Variants in APOBEC2 observed in about 807,000 individuals in gnomAD.
APOBEC2 encodes the protein apolipoprotein B mRNA editing enzyme catalytic subunit 2.
Under a neutral mutation model 19.4 loss-of-function variants are expected in APOBEC2, and 14 were observed. That is an observed-to-expected ratio of 0.72 (90% CI 0.48 to 1.13). The LOEUF is 1.13. APOBEC2 is among the 50% of genes most tolerant of loss of function. The pLI, the probability that APOBEC2 is intolerant of heterozygous loss-of-function variation, is 0.00. For synonymous variants in APOBEC2, 127 were observed against 112.1 expected, an observed-to-expected ratio of 1.13 and a Z score of -0.84; for missense variants, 304 against 277.0, an observed-to-expected ratio of 1.10 and a Z score of -0.69.
intron 1 of APOBEC2, among the ~76,000 whole-genome samples, chr6:41,060,869 C>T (rs1762861041): frequency 6.6e-6 from 1 of 152,244 alleles, no homozygotes; most frequent in African/African-American, 2.4e-5. Context: ...CTTACCTGGC[C>T]ACTTATTGGA....
Position 41,061,768 on chromosome 6 carries a change from T to C in APOBEC2, c.572T>C (p.Phe191Ser). 6.2e-7 allele frequency: 1 copy of C among 1,614,174 alleles called. No individual in the cohort carries two copies. The change falls in exon 2 of 3, where the codon TTT becomes TCT. Residue 191 changes from phenylalanine to serine, a missense_variant. Physicochemically the swap from Phe to Ser is radical, Grantham distance 155 (BLOSUM62 -2). Transcript: ENST00000244669. Reference protein sequence around the residue: ...PQDFEYVWQNFVEQEEGESKA... With the variant: ...PQDFEYVWQNSVEQEEGESKA... ...GACTTCGAATATGTCTGGCAGAATT[T>C]TGTGGAGCAAGAAGAGGGTGAATCC... is the stretch of plus-strand genomic sequence containing the variant.
chr6:41,061,480 C>A lies in APOBEC2; in HGVS notation c.284C>A (p.Ala95Glu), dbSNP rs149055789. ...CGGGGATACCTAGAGGATGAGCATGCGGCTGCCCATGCAGAGGAAGCTTTC... is the reference window on the plus strand; with the variant it reads ...CGGGGATACCTAGAGGATGAGCATGAGGCTGCCCATGCAGAGGAAGCTTTC... ...ASRGYLEDEH[A>E]AAHAEEAFFN... Residue 95 changes from alanine to glutamate, a missense_variant, in exon 2 of 3, where the codon GCG becomes GAG. Transcript: ENST00000244669. 1.1e-5 allele frequency: 18 copies of A among 1,613,536 alleles called. No homozygotes were observed. Among genetic ancestry groups the A allele is most frequent in the Non-Finnish European group, 1.4e-5 (17 of 1,179,784 alleles).
chr6:41,059,941 A>G (rs1195892282), intron 1 of APOBEC2, among the ~76,000 whole-genome samples: 1 of 152,222 alleles, frequency 6.6e-6, no homozygotes, highest in East Asian at 1.9e-4. Flanking sequence ...ACATTTTTAA[A>G]AAGGAAAACA....
At chr6:41,063,960 T>A (rs996404673) in intron 2 of APOBEC2, 141 bp from the exon 3 acceptor site, 3 of 152,376 alleles carry the variant, frequency 2.0e-5, no homozygotes, top group African/African-American at 4.8e-5. Context: ...ATTTACCCAA[T>A]CCTGCAAAGG....
In APOBEC2 at chr6:41,061,857, G is replaced by C; in HGVS notation, c.661G>C (p.Asp221His). 1.2e-6 allele frequency: 2 copies of C among 1,613,346 alleles called. No homozygotes were observed. The highest frequency in any genetic ancestry group is 2.2e-5 in the South Asian group (2 of 91,050). ...NFLYYEEKLADILK is the reference protein window; with the variant it reads ...NFLYYEEKLAHILK ...CCTATACTACGAGGAGAAGTTGGCA[G>C]ACATCCTGAAGTAGGGCAACTGGGC... The change falls in exon 2 of 3, where the codon GAC becomes CAC. Residue 221 changes from aspartate (D) to histidine (H), a missense_variant. By Grantham distance (81) the Asp-to-His change is moderately conservative. Coordinates refer to ENST00000244669, the MANE Select transcript of APOBEC2 (RefSeq NM_006789.4).
At chr6:41,059,927 G>T (rs1463134453) in intron 1 of APOBEC2, among the ~76,000 whole-genome samples, 1 of 152,190 alleles carries the variant, frequency 6.6e-6, no homozygotes, top group Non-Finnish European at 1.5e-5. Flanking sequence ...CAGGCAGAGA[G>T]ATTACATTTT....
At chr6:41,059,080 G>A (rs527467119) in intron 1 of APOBEC2, among the ~76,000 whole-genome samples, 1 of 152,280 alleles carries the variant, frequency 6.6e-6, no homozygotes, top group East Asian at 1.9e-4. Flanking sequence ...AGCTTAAGAA[G>A]GGCAGAAAGA....
intron 1 of APOBEC2, 122 bp downstream of exon 1, chr6:41,053,600 AG>A: frequency 7.0e-7 from 1 of 1,429,922 alleles, no homozygotes; most frequent in South Asian, 1.4e-5. Context: ...CAGCAGTGAG[AG>A]TGCACCAGTG....
chr6:41,054,322 T>C (rs1762769040), intron 1 of APOBEC2, among the ~76,000 whole-genome samples: 1 of 152,178 alleles, frequency 6.6e-6, no homozygotes, highest in Non-Finnish European at 1.5e-5. Flanking sequence ...AAAGAGAATC[T>C]ATGAGGCCAT....
At chr6:41,053,598 A>C (rs925476489) in intron 1 of APOBEC2, 120 bp downstream of exon 1, 2 of 1,443,272 alleles carry the variant, frequency 1.4e-6, no homozygotes, top group Non-Finnish European at 1.9e-6. Context: ...TGCAGCAGTG[A>C]GAGTGCACCA....
At chr6:41,055,029 T>A (rs1300942293) in intron 1 of APOBEC2, among the ~76,000 whole-genome samples, 2 of 152,146 alleles carry the variant, frequency 1.3e-5, no homozygotes, top group African/African-American at 4.8e-5. Context: ...AATCACAACA[T>A]AGTTTCATGA....
intron 1 of APOBEC2, among the ~76,000 whole-genome samples, chr6:41,054,072 G>A (rs1006897563): frequency 2.6e-5 from 4 of 152,178 alleles, no homozygotes; most frequent in African/African-American, 9.6e-5. Flanking sequence ...GAAATTACAT[G>A]CAGATAACGC....
chr6:41,060,418 C>T (rs889921219), intron 1 of APOBEC2, among the ~76,000 whole-genome samples: 4 of 152,212 alleles, frequency 2.6e-5, no homozygotes, highest in African/African-American at 9.6e-5. Flanking sequence ...GCCAAACTTT[C>T]GAGAACCTTC....
At chr6:41,061,137 C>A (rs1486701588) in intron 1 of APOBEC2, among the ~76,000 whole-genome samples, 191 bp from the exon 2 acceptor site, 1 of 150,846 alleles carries the variant, frequency 6.6e-6, no homozygotes, top group Admixed American at 6.6e-5. Flanking sequence ...TCAGATAAAC[C>A]CTTCTGGATT....
Position 41,053,290 on chromosome 6 carries a change from G to A in APOBEC2, c.-58G>A, listed in dbSNP as rs1762753351. ...CTTGGGACTCTGCCGCCAGGGCCTG[G>A]CCCAGACCTGCCTGCCTCTCTCCTC... On this transcript the variant is annotated 5_prime_UTR_variant, in exon 1 of 3. Coordinates refer to ENST00000244669, the MANE Select transcript of APOBEC2 (RefSeq NM_006789.4). 1.3e-6 allele frequency: 2 copies of A among 1,587,468 alleles called. No homozygotes were observed. Among genetic ancestry groups the A allele is most frequent in the South Asian group, 1.1e-5 (1 of 88,720 alleles).
At chr6:41,059,684 T>C (rs971513100) in intron 1 of APOBEC2, among the ~76,000 whole-genome samples, 1 of 152,128 alleles carries the variant, frequency 6.6e-6, no homozygotes, top group Non-Finnish European at 1.5e-5. Context: ...GCACGGGACA[T>C]GGAAACTTGG....
chr6:41,054,385 AGGCAGAGTG>A (rs979753398), intron 1 of APOBEC2, among the ~76,000 whole-genome samples: 4 of 152,218 alleles, frequency 2.6e-5, no homozygotes, highest in Non-Finnish European at 4.4e-5. Flanking sequence ...GAATGACCAC[AGGCAGAGTG>A]GGTGCGAGAC....
At chr6:41,053,595 G>C in intron 1 of APOBEC2, 117 bp downstream of exon 1, 2 of 1,478,338 alleles carry the variant, frequency 1.4e-6, no homozygotes, top group South Asian at 2.7e-5. Flanking sequence ...CCCTGCAGCA[G>C]TGAGAGTGCA....
intron 2 of APOBEC2, 89 bp from the exon 3 acceptor site, chr6:41,064,012 C>A (rs181161786): frequency 6.2e-4 from 95 of 152,542 alleles, no homozygotes; most frequent in African/African-American, 2.1e-3. Flanking sequence ...GGGAAGGGCA[C>A]ACAGAAACCT....
Sources: gnomAD v4.1 joint callset for allele counts (sites outside exome capture counted in the v4.1 genomes callset) on GRCh38, gnomAD v4.1.1 for gene constraint, MANE v1.5 for transcripts, NCBI Gene and HGNC (gene_info 2026-07-23, HGNC 2026-07-21) for gene names.